The following TMEM132B variants were observed in gnomAD, a reference collection of about 807,000 sequenced individuals.
TMEM132B encodes transmembrane protein 132B.
A neutral mutation model predicts 90.8 loss-of-function variants in TMEM132B; 18 were observed. The observed-to-expected ratio is 0.20, with a 90% CI of 0.14 to 0.29. The LOEUF (loss-of-function observed/expected upper bound fraction) is 0.29, where lower values mean the gene tolerates loss of function less well. Ranked by LOEUF, TMEM132B falls within the 10% of genes least tolerant of loss-of-function variation. The pLI is 1.00. For synonymous variants in TMEM132B, 504 were observed against 523.3 expected (o/e 0.96, Z 0.50); for missense variants, 1,096 against 1,326.8 (o/e 0.83, Z 2.70).
rs115415157 is a variant in TMEM132B at position 125,266,890 on chromosome 12, C to T, written c.67+80024C>T. Reference sequence around the variant, plus strand: ...TTGAAAGCGAATGTGTCCCATGGCACTCTGGGCTGGGCTGTCCAGTGAGAC... The same window carrying T: ...TTGAAAGCGAATGTGTCCCATGGCATTCTGGGCTGGGCTGTCCAGTGAGAC... On this transcript the variant is annotated intron_variant, in intron 1 of 8. Transcript: ENST00000682704. Among the ~76,000 whole-genome samples, 1,247 of 152,302 alleles carry T rather than the reference C, an allele frequency of 8.2e-3. 22 individuals are homozygous for T. Among genetic ancestry groups the T allele is most frequent in the African/African-American group, 0.029 (1,198 of 41,548 alleles).
chr12:125,580,915 G>A lies in TMEM132B; in HGVS notation c.1294-2936G>A, dbSNP rs572422854. 4.6e-5 allele frequency among the ~76,000 whole-genome samples: 7 copies of A among 152,224 alleles called. No homozygotes were observed. In the South Asian group the frequency reaches 1.5e-3, roughly 32 times the overall value. On this transcript the variant is annotated intron_variant, in intron 4 of 8. Transcript: ENST00000682704. ...AGGTTAGGAATTTTTAGCATCTCTGGGATCAGGGGACGATTTCAATGTAAT... is the reference window on the plus strand; with the variant it reads ...AGGTTAGGAATTTTTAGCATCTCTGAGATCAGGGGACGATTTCAATGTAAT...
In TMEM132B at chr12:125,560,969, C is replaced by T. The variant is rs182557342; in HGVS notation, c.1294-22882C>T. On this transcript the variant is annotated intron_variant, in intron 4 of 8. Transcript: ENST00000682704. The stretch of plus-strand genomic sequence containing the variant: ...CATTGTGGAAGACAGTGTGGCAATT[C>T]CTCAAGGATCTAGAACTAGAAATAT... 4.5e-3 allele frequency among the ~76,000 whole-genome samples: 686 copies of T among 151,204 alleles called. 2 individuals carry two copies. Among genetic ancestry groups the T allele is most frequent in the Non-Finnish European group, 8.3e-3 (561 of 67,948 alleles).
intron 5 of TMEM132B, among the ~76,000 whole-genome samples, chr12:125,599,131 G>C (rs1185542360): frequency 6.6e-6 from 1 of 152,108 alleles, no homozygotes; most frequent in East Asian, 1.9e-4. Context: ...GGACCTAGTG[G>C]GAGGTAACTG....
At chr12:125,327,859 G>A (rs7132631) in intron 1 of TMEM132B, among the ~76,000 whole-genome samples, 102,337 of 152,042 alleles carry the variant, frequency 0.67, 35,208 homozygotes, top group East Asian at 0.81. Flanking sequence ...TAAAGCAGGC[G>A]GGCTCTACAT....
chr12:125,566,925 C>A (rs1384881426), intron 4 of TMEM132B, among the ~76,000 whole-genome samples: 2 of 148,496 alleles, frequency 1.3e-5, no homozygotes, highest in Non-Finnish European at 3.0e-5. Context: ...CTCACTGCAA[C>A]CTCCACCTTC....
intron 5 of TMEM132B, among the ~76,000 whole-genome samples, chr12:125,603,579 A>G (rs1247081412): frequency 6.6e-6 from 1 of 152,228 alleles, no homozygotes; most frequent in Non-Finnish European, 1.5e-5. Context: ...AGCAATTGCA[A>G]CAAAAACAAA....
intron 2 of TMEM132B, among the ~76,000 whole-genome samples, chr12:125,411,540 A>G (rs1879839319): frequency 6.6e-6 from 1 of 152,116 alleles, no homozygotes; most frequent in Admixed American, 6.5e-5. Flanking sequence ...AAACAAAAAT[A>G]AAAACCGGAG....
At position 125,467,776 on chromosome 12, in the gene TMEM132B, T is replaced by C. The variant is rs142977703; in HGVS notation, c.1107-51663T>C. On this transcript the variant is annotated intron_variant, in intron 3 of 8. Coordinates refer to ENST00000682704, the MANE Select transcript of TMEM132B (RefSeq NM_001366854.1). ...AATCATTCCCCATTCTCCTTTCTCATATTCTCATAACCTCTAATCTGCTTT... is the reference window on the plus strand; with the variant it reads ...AATCATTCCCCATTCTCCTTTCTCACATTCTCATAACCTCTAATCTGCTTT... Among the ~76,000 whole-genome samples the C allele has an allele frequency of 3.9e-3, 597 of 152,316 alleles. 5 individuals are homozygous for C. Among genetic ancestry groups the C allele is most frequent in the African/African-American group, 0.013 (549 of 41,558 alleles).
intron 3 of TMEM132B, among the ~76,000 whole-genome samples, chr12:125,515,348 TCACA>T (rs951993398): frequency 3.3e-5 from 5 of 150,352 alleles, no homozygotes; most frequent in African/African-American, 7.4e-5. Flanking sequence ...TCTGTCACAC[TCACA>T]CACACATTGA....
At chr12:125,310,526 C>T (rs75031708) in intron 1 of TMEM132B, among the ~76,000 whole-genome samples, 12,858 of 152,220 alleles carry the variant, frequency 0.084, 617 homozygotes, top group Non-Finnish European at 0.1. Flanking sequence ...GAAACTTGGG[C>T]TTGAACCCAG....
chr12:125,319,330 C>T (rs1347813231), intron 1 of TMEM132B, among the ~76,000 whole-genome samples: 1 of 152,202 alleles, frequency 6.6e-6, no homozygotes, highest in African/African-American at 2.4e-5. Context: ...GTGAGAGGGA[C>T]AGGCAGAGGA....
rs1884503724 is a variant in TMEM132B, at chr12:125,560,788, G to A, written c.1294-23063G>A. The stretch of plus-strand genomic sequence containing the variant: ...TGCAGTGAGCCAAGATTGCGCCACT[G>A]CAGTCCGCAGTCCGGCCTGGGTGAC... On this transcript the variant is annotated intron_variant, in intron 4 of 8. Coordinates refer to ENST00000682704, the MANE Select transcript of TMEM132B (RefSeq NM_001366854.1). Among the ~76,000 whole-genome samples the A allele has an allele frequency of 8.6e-5, 11 of 127,680 alleles. No homozygotes were observed. In the Admixed American group the frequency reaches 1.1e-3, roughly 12 times the overall value. 83.8% of individuals were successfully genotyped at this position (127,680 alleles called of 152,430 possible). A position where few individuals can be genotyped will look rare whatever the true frequency, so the allele number is the denominator to read the frequency against.
At chr12:125,194,268 T>TTG (rs1872873857) in intron 1 of TMEM132B, among the ~76,000 whole-genome samples, 2 of 149,624 alleles carry the variant, frequency 1.3e-5, no homozygotes, top group South Asian at 4.2e-4. Context: ...ATTAACCCGT[T>TTG]GGTGGGGGGG....
intron 1 of TMEM132B, among the ~76,000 whole-genome samples, chr12:125,262,004 A>G (rs547426496): frequency 3.2e-4 from 49 of 152,252 alleles, no homozygotes; most frequent in South Asian, 1.0e-3. Flanking sequence ...GCTTATATTT[A>G]TTTTAATATG....
intron 3 of TMEM132B, among the ~76,000 whole-genome samples, chr12:125,499,785 C>T (rs1022536158): frequency 5.9e-5 from 9 of 152,172 alleles, no homozygotes; most frequent in African/African-American, 2.2e-4. Flanking sequence ...GCAACTGTTA[C>T]TGCTGATAAT....
At chr12:125,534,097 G>GT (rs756309500) in intron 4 of TMEM132B, among the ~76,000 whole-genome samples, 207 of 152,262 alleles carry the variant, frequency 1.4e-3, no homozygotes, top group Admixed American at 1.7e-3. Flanking sequence ...TGTGTGCTGG[G>GT]TTTTTTCTTT....
At chr12:125,205,242 G>T (rs1458905411) in intron 1 of TMEM132B, among the ~76,000 whole-genome samples, 1 of 152,136 alleles carries the variant, frequency 6.6e-6, no homozygotes. Context: ...CGTGTGCCAG[G>T]CAGGGTGCTT....
chr12:125,336,772 G>T (rs562782288), intron 1 of TMEM132B, among the ~76,000 whole-genome samples: 1 of 152,296 alleles, frequency 6.6e-6, no homozygotes, highest in South Asian at 2.1e-4. Flanking sequence ...GACTTGCCTT[G>T]GTACATAAAT....
chr12:125,643,917 T>G (rs1332337006), intron 5 of TMEM132B, among the ~76,000 whole-genome samples, 159 bp from the exon 6 acceptor site: 1 of 152,234 alleles, frequency 6.6e-6, no homozygotes, highest in Non-Finnish European at 1.5e-5. Flanking sequence ...TTGTCACTAA[T>G]TAGTGCCTAC....
Sources: allele counts gnomAD v4.1 joint callset (sites outside exome capture counted in the v4.1 genomes callset), GRCh38; gene constraint gnomAD v4.1.1; transcripts MANE v1.5; gene names NCBI Gene and HGNC (gene_info 2026-07-23, HGNC 2026-07-21).